Variants in PTPRJ observed in about 807,000 individuals in gnomAD.
PTPRJ encodes receptor-type tyrosine-protein phosphatase eta.
A neutral mutation model predicts 141.3 loss-of-function variants in PTPRJ; 129 were observed. The observed-to-expected ratio is 0.91, with a 90% confidence interval of 0.79 to 1.06. The LOEUF (loss-of-function observed/expected upper bound fraction) is 1.06. Ranked by LOEUF, PTPRJ falls within the 50% of genes least tolerant of loss-of-function variation. The pLI is 0.00. For missense variants in PTPRJ, 1,601 were observed against 1,679.7 expected (o/e 0.95, Z 0.82); for synonymous variants, 610 against 640.5 (o/e 0.95, Z 0.72).
chr11:48,097,670 T>G (rs557819043), intron 1 of PTPRJ, among the ~76,000 whole-genome samples: 3 of 152,014 alleles, frequency 2.0e-5, no homozygotes, highest in Non-Finnish European at 4.4e-5. Flanking sequence ...CCCGAGTAGC[T>G]GGGACTACAG....
Position 48,112,914 on chromosome 11 carries a change from A to G in PTPRJ, c.283A>G (p.Ser95Gly), listed in dbSNP as rs1447684098. The G allele has an allele frequency of 6.2e-7, 1 of 1,614,226 alleles. No homozygotes were observed. Among genetic ancestry groups the G allele is most frequent in the Non-Finnish European group, 8.5e-7 (1 of 1,180,038 alleles). ...TGGTGAAAGCTCTGGAGCCAACGAT[A>G]GTTTAAGAACACCTGAACAAGGATC... ...EDGESSGAND[S>G]LRTPEQGSNG... Residue 95 changes from serine (S) to glycine (G), a missense_variant, in exon 3 of 25, where the codon AGT becomes GGT. Ser to Gly is a moderately conservative substitution (Grantham distance 56). Transcript: ENST00000418331.
chr11:48,104,589 C>T (rs537893564), intron 1 of PTPRJ, among the ~76,000 whole-genome samples: 2 of 152,200 alleles, frequency 1.3e-5, no homozygotes, highest in Admixed American at 6.5e-5. Context: ...AAAAGCCCAA[C>T]GTGGATAACA....
rs1024990378 is a variant in PTPRJ, at chr11:48,136,399, A to G, written c.1873+103A>G. The G allele has an allele frequency of 2.2e-6, 3 of 1,377,850 alleles. No homozygotes were observed. The Admixed American group carries it at 6.1e-5, about 28-fold the overall frequency. 85.4% of individuals were successfully genotyped at this position (1,377,850 alleles called of 1,614,324 possible). ...CAGTGTGCTTCTGGGATCCAGGTTG[A>G]CTCTGAAACTGCTGAAGTTGAAAAC... On this transcript the variant is annotated intron_variant, in intron 9 of 24. Coordinates refer to ENST00000418331, the MANE Select transcript of PTPRJ (RefSeq NM_002843.4).
At chr11:48,012,873 G>A (rs1854842597) in intron 1 of PTPRJ, among the ~76,000 whole-genome samples, 1 of 152,172 alleles carries the variant, frequency 6.6e-6, no homozygotes, top group Non-Finnish European at 1.5e-5. Flanking sequence ...GGGAGGCTGA[G>A]GCAGGTGGAT....
intron 1 of PTPRJ, among the ~76,000 whole-genome samples, chr11:47,989,034 C>T (rs1854123986): frequency 2.0e-5 from 3 of 151,030 alleles, no homozygotes; most frequent in Non-Finnish European, 3.0e-5. Flanking sequence ...CAGGCGCCCG[C>T]CACCAAGCCC....
At chr11:48,032,843 A>G (rs1191178858) in intron 1 of PTPRJ, among the ~76,000 whole-genome samples, 2 of 152,232 alleles carry the variant, frequency 1.3e-5, no homozygotes, top group Admixed American at 1.3e-4. Flanking sequence ...AGTTTGTTCC[A>G]AACACTGGGG....
chr11:48,079,878 C>T (rs757875949), intron 1 of PTPRJ, among the ~76,000 whole-genome samples: 3 of 152,106 alleles, frequency 2.0e-5, no homozygotes, highest in Non-Finnish European at 4.4e-5. Context: ...CCACTGAACT[C>T]TCTAAATGTT....
intron 1 of PTPRJ, among the ~76,000 whole-genome samples, chr11:48,061,184 C>T (rs1329947267): frequency 6.6e-6 from 1 of 152,144 alleles, no homozygotes; most frequent in African/African-American, 2.4e-5. Context: ...CTATGTTGGC[C>T]AGTCTGATCT....
chr11:48,069,594 C>T lies in PTPRJ; in HGVS notation c.97-40464C>T, dbSNP rs998756978. Among the ~76,000 whole-genome samples, 7 of 151,842 alleles carry T rather than the reference C, an allele frequency of 4.6e-5. No individual in the cohort carries two copies. The South Asian group carries it at 6.2e-4, about 14-fold the overall frequency. On this transcript the variant is annotated intron_variant, in intron 1 of 24. Coordinates refer to ENST00000418331, the MANE Select transcript of PTPRJ (RefSeq NM_002843.4). ...CCTCCCGAGTAGATGGGGCTACAGGCGCCTGCCACCACCCCCGGCTAATTT... is the reference window on the plus strand; with the variant it reads ...CCTCCCGAGTAGATGGGGCTACAGGTGCCTGCCACCACCCCCGGCTAATTT...
At chr11:47,990,973 C>A (rs1212794913) in intron 1 of PTPRJ, among the ~76,000 whole-genome samples, 2 of 151,950 alleles carry the variant, frequency 1.3e-5, no homozygotes, top group Non-Finnish European at 1.5e-5. Context: ...GCCACCGTGA[C>A]CGGCGGAAAG....
At chr11:47,981,159 C>G (rs1239840148) in intron 1 of PTPRJ, 151 bp downstream of exon 1, 1 of 833,352 alleles carries the variant, frequency 1.2e-6, no homozygotes, top group African/African-American at 1.8e-5. Flanking sequence ...TGCGGGGACC[C>G]CGGCCGGCCT....
intron 1 of PTPRJ, among the ~76,000 whole-genome samples, chr11:48,092,577 T>G (rs1855899812): frequency 6.6e-6 from 1 of 151,832 alleles, no homozygotes; most frequent in South Asian, 2.1e-4. Context: ...TTATAGGCAC[T>G]CGCTACCACA....
rs1853882709 is a variant in PTPRJ at position 47,980,885 on chromosome 11, C to A, written c.-28C>A. The A allele has an allele frequency of 1.8e-6, 2 of 1,124,748 alleles. No individual in the cohort carries two copies. The highest frequency in any genetic ancestry group is 4.3e-5 in the South Asian group (1 of 23,286). 69.7% of individuals were successfully genotyped at this position (1,124,748 alleles called of 1,614,324 possible). On this transcript the variant is annotated 5_prime_UTR_variant, in exon 1 of 25. Transcript: ENST00000418331. ...GCACGGCGGGGCCCGATTCGCGCGTCCGGGGCACGTTCCAGGGCGCGCGGG... is the reference window on the plus strand; with the variant it reads ...GCACGGCGGGGCCCGATTCGCGCGTACGGGGCACGTTCCAGGGCGCGCGGG...
chr11:47,995,667 TC>T (rs1854315848), intron 1 of PTPRJ, among the ~76,000 whole-genome samples: 1 of 152,214 alleles, frequency 6.6e-6, no homozygotes, highest in Non-Finnish European at 1.5e-5. Context: ...GTGTGGGCCT[TC>T]CTGTTGTAAA....
intron 6 of PTPRJ, among the ~76,000 whole-genome samples, chr11:48,127,389 C>G (rs1444965702): frequency 1.3e-5 from 2 of 152,198 alleles, no homozygotes; most frequent in African/African-American, 4.8e-5. Flanking sequence ...CCTGCCTCGT[C>G]CTGACTTCTG....
intron 1 of PTPRJ, among the ~76,000 whole-genome samples, chr11:48,032,897 G>A (rs1415659407): frequency 6.6e-6 from 1 of 152,108 alleles, no homozygotes. Context: ...TGGAGCTTAC[G>A]TTTGGTGGAA....
rs114638443 is a variant in PTPRJ at position 48,004,559 on chromosome 11, A to C, written c.96+23551A>C. On this transcript the variant is annotated intron_variant, in intron 1 of 24. Transcript: ENST00000418331. ...TGGGCTGGTCAGAGTTTCAAGTCAT[A>C]GGCAGTGCAGGCCTCAAAGGAACAG... is the stretch of plus-strand genomic sequence containing the variant. 1.1e-3 allele frequency among the ~76,000 whole-genome samples: 164 copies of C among 152,266 alleles called. 2 individuals carry two copies. Among genetic ancestry groups the C allele is most frequent in the African/African-American group, 3.8e-3 (160 of 41,564 alleles).
chr11:48,096,490 G>A (rs1186102416), intron 1 of PTPRJ, among the ~76,000 whole-genome samples: 1 of 152,104 alleles, frequency 6.6e-6, no homozygotes. Flanking sequence ...CACTTTCTCC[G>A]CCAAAACTAT....
intron 19 of PTPRJ, among the ~76,000 whole-genome samples, chr11:48,154,511 C>T (rs1056815224): frequency 5.3e-5 from 8 of 152,246 alleles, no homozygotes; most frequent in South Asian, 2.1e-4. Context: ...AAATAATTCT[C>T]CATTGAAAGT....
Sources: gnomAD v4.1 joint callset for allele counts (sites outside exome capture counted in the v4.1 genomes callset) on GRCh38, gnomAD v4.1.1 for gene constraint, MANE v1.5 for transcripts, NCBI Gene and HGNC (gene_info 2026-07-23, HGNC 2026-07-21) for gene names.